Variants in ZNF407 observed in about 807,000 individuals in gnomAD.
ZNF407 encodes the protein zinc finger protein 407.
ZNF407 carries 17 observed loss-of-function variants against 131.2 expected under a neutral mutation model. That is an observed-to-expected ratio of 0.13 (90% CI 0.09 to 0.19). The LOEUF is 0.19. Ranked by LOEUF, ZNF407 falls within the 10% of genes least tolerant of loss-of-function variation. ZNF407 has a pLI of 1.00. For missense variants in ZNF407, 2,681 were observed against 2,830.6 expected (o/e 0.95, Z 1.20); for synonymous variants, 1,156 against 1,062.0 (o/e 1.09, Z -1.72).
rs370866506 is a variant in ZNF407, at chr18:74,771,148, C to T, written c.4803-10280C>T. Among the ~76,000 whole-genome samples, 45 of 151,898 alleles carry T rather than the reference C, an allele frequency of 3.0e-4. No homozygotes were observed. In the South Asian group the frequency reaches 4.6e-3, roughly 15 times the overall value. On this transcript the variant is annotated intron_variant, in intron 3 of 8. Transcript: ENST00000299687. Reference sequence around the variant, plus strand: ...TCTGTATGGTAATTAAAACCAAAAGCGGTATAACATTCAAGGGAATTGTGT... The same window carrying T: ...TCTGTATGGTAATTAAAACCAAAAGTGGTATAACATTCAAGGGAATTGTGT...
chr18:74,623,150 G>A (rs545637619), intron 1 of ZNF407, among the ~76,000 whole-genome samples: 2 of 45,260 alleles, frequency 4.4e-5, no homozygotes, highest in East Asian at 6.6e-4. Flanking sequence ...GTGTGAATGT[G>A]TGAGTGCGTG....
At chr18:74,756,218 G>T (rs1181134144) in intron 3 of ZNF407, among the ~76,000 whole-genome samples, 1 of 151,854 alleles carries the variant, frequency 6.6e-6, no homozygotes. Flanking sequence ...TGCTATTATC[G>T]CACCTTGATT....
intron 4 of ZNF407, among the ~76,000 whole-genome samples, chr18:74,787,957 C>T (rs1312306797): frequency 6.6e-6 from 1 of 152,156 alleles, no homozygotes; most frequent in African/African-American, 2.4e-5. Context: ...TTATTTCTCT[C>T]TGGTCTTTAT....
At chr18:74,795,886 T>C (rs775361927) in intron 4 of ZNF407, among the ~76,000 whole-genome samples, 19 of 152,242 alleles carry the variant, frequency 1.2e-4, no homozygotes, top group Non-Finnish European at 2.6e-4. Flanking sequence ...TGGAGTGTTA[T>C]AGAGCCATTA....
intron 4 of ZNF407, among the ~76,000 whole-genome samples, chr18:74,850,530 A>G (rs554072823): frequency 1.3e-5 from 2 of 152,310 alleles, no homozygotes; most frequent in East Asian, 3.9e-4. Flanking sequence ...CTCCCATGCC[A>G]GTGGGTCTAA....
intron 1 of ZNF407, among the ~76,000 whole-genome samples, chr18:74,603,688 A>T (rs1374273545): frequency 1.3e-5 from 2 of 152,084 alleles, no homozygotes; most frequent in African/African-American, 2.4e-5. Flanking sequence ...ATTCTTAAGC[A>T]TTTTTGTTTT....
chr18:74,630,947 C>T lies in ZNF407; in HGVS notation c.-53-20C>T, dbSNP rs1289182797. Reference sequence around the variant, plus strand: ...TGTCTTTATATTCAAGATTTAATACCATGTTTGTTTACTTCACAGGTTATG... The same window carrying T: ...TGTCTTTATATTCAAGATTTAATACTATGTTTGTTTACTTCACAGGTTATG... On this transcript the variant is annotated intron_variant, in intron 1 of 8. Coordinates refer to ENST00000299687, the MANE Select transcript of ZNF407 (RefSeq NM_017757.3). 4 of 1,475,628 alleles carry T rather than the reference C, an allele frequency of 2.7e-6. No homozygotes were observed. Among genetic ancestry groups the T allele is most frequent in the South Asian group, 1.4e-5 (1 of 69,242 alleles). 91.4% of individuals were successfully genotyped at this position (1,475,628 alleles called of 1,614,324 possible). A position where few individuals can be genotyped will look rare whatever the true frequency, so the allele number is the denominator to read the frequency against.
intron 3 of ZNF407, among the ~76,000 whole-genome samples, chr18:74,710,109 G>A (rs1967722448): frequency 6.6e-6 from 1 of 152,150 alleles, no homozygotes; most frequent in African/African-American, 2.4e-5. Context: ...CATTTCAGAA[G>A]TCTTTTTAAC....
rs918786915 is a variant in ZNF407, at chr18:74,646,171, A to G, written c.4802+5049A>G. On this transcript the variant is annotated intron_variant, in intron 3 of 8. Transcript: ENST00000299687. The stretch of plus-strand genomic sequence containing the variant: ...GCAGCAGGAATAAATTAAAATCACT[A>G]TTTTTAGTCTGCTGTGAGAACTAAA... 3.3e-5 allele frequency among the ~76,000 whole-genome samples: 5 copies of G among 152,318 alleles called. No individual in the cohort carries two copies. In the South Asian group the frequency reaches 1.0e-3, roughly 32 times the overall value.
In ZNF407 at chr18:74,631,663, A is replaced by G; in HGVS notation, c.644A>G (p.His215Arg). The change falls in exon 2 of 9, where the codon CAT becomes CGT. Residue 215 changes from histidine to arginine, a missense_variant. By Grantham distance (29) the His-to-Arg change is conservative. Coordinates refer to ENST00000299687, the MANE Select transcript of ZNF407 (RefSeq NM_017757.3). ...AESHMQQPKE[H>R]TCCHCSHKAE... ...TCTCACATGCAGCAGCCTAAGGAAC[A>G]TACCTGTTGTCACTGCAGCCACAAA... The G allele has an allele frequency of 6.2e-7, 1 of 1,613,996 alleles. No homozygotes were observed. Among genetic ancestry groups the G allele is most frequent in the Non-Finnish European group, 8.5e-7 (1 of 1,179,894 alleles).
intron 4 of ZNF407, among the ~76,000 whole-genome samples, chr18:74,813,025 C>T (rs922402227): frequency 5.9e-5 from 9 of 152,062 alleles, no homozygotes; most frequent in Non-Finnish European, 1.2e-4. Flanking sequence ...ATAGTTCTTT[C>T]AAGGTTTTTA....
At chr18:74,742,525 T>G (rs1968572819) in intron 3 of ZNF407, among the ~76,000 whole-genome samples, 2 of 152,222 alleles carry the variant, frequency 1.3e-5, no homozygotes, top group African/African-American at 2.4e-5. Context: ...TTTGTTCTTT[T>G]TTGAATATTT....
intron 3 of ZNF407, among the ~76,000 whole-genome samples, chr18:74,711,857 C>T (rs535805871): frequency 9.2e-5 from 14 of 152,062 alleles, no homozygotes; most frequent in African/African-American, 2.9e-4. Flanking sequence ...ATTACAGGCA[C>T]GTGCCACCAC....
At chr18:74,736,517 A>C (rs902005547) in intron 3 of ZNF407, among the ~76,000 whole-genome samples, 11 of 152,206 alleles carry the variant, frequency 7.2e-5, no homozygotes, top group Non-Finnish European at 1.2e-4. Context: ...TTTTCACTTT[A>C]AAATAATGCA....
chr18:74,929,175 A>T (rs1249271397), intron 8 of ZNF407, among the ~76,000 whole-genome samples: 1 of 152,132 alleles, frequency 6.6e-6, no homozygotes, highest in East Asian at 1.9e-4. Context: ...TTCCAGAAAA[A>T]AACTATATTC....
chr18:74,846,172 A>C (rs1160418254), intron 4 of ZNF407, among the ~76,000 whole-genome samples: 1 of 152,218 alleles, frequency 6.6e-6, no homozygotes, highest in Non-Finnish European at 1.5e-5. Context: ...TATAAATCTT[A>C]GAATAGCATT....
intron 3 of ZNF407, among the ~76,000 whole-genome samples, chr18:74,713,032 G>C (rs551033533): frequency 1.6e-4 from 24 of 152,316 alleles, no homozygotes; most frequent in Non-Finnish European, 2.6e-4. Context: ...GAACATAGAG[G>C]ACCTGCCAGT....
At chr18:74,813,660 A>T (rs1286364160) in intron 4 of ZNF407, among the ~76,000 whole-genome samples, 1 of 152,144 alleles carries the variant, frequency 6.6e-6, no homozygotes, top group Non-Finnish European at 1.5e-5. Context: ...ATCACCAAGT[A>T]ACATGGGGGA....
At chr18:74,610,424 G>T (rs73973920) in intron 1 of ZNF407, among the ~76,000 whole-genome samples, 3 of 152,110 alleles carry the variant, frequency 2.0e-5, no homozygotes, top group Non-Finnish European at 2.9e-5. Flanking sequence ...ATGCGTGCAA[G>T]CAGCTTACCC....
Sources: gnomAD v4.1 joint callset for allele counts (sites outside exome capture counted in the v4.1 genomes callset) on GRCh38, gnomAD v4.1.1 for gene constraint, MANE v1.5 for transcripts, NCBI Gene and HGNC (gene_info 2026-07-23, HGNC 2026-07-21) for gene names.